POU2F1: variants seen among roughly 807,000 people sequenced by gnomAD.
POU2F1 encodes POU class 2 homeobox 1.
A neutral mutation model predicts 84.9 loss-of-function variants in POU2F1; 16 were observed. That is an observed-to-expected ratio of 0.19 (90% CI 0.13 to 0.29). The LOEUF (loss-of-function observed/expected upper bound fraction) is 0.29, where lower values mean the gene tolerates loss of function less well. Ranked by LOEUF, POU2F1 falls within the 10% of genes least tolerant of loss-of-function variation. The probability of loss-of-function intolerance (pLI) is 1.00; values close to 1 mark genes in which losing one functional copy is unlikely to be tolerated. For missense variants in POU2F1, 738 were observed against 942.6 expected (o/e 0.78, Z 2.84); for synonymous variants, 368 against 368.3 (o/e 1.00, Z 0.01).
In POU2F1 at chr1:167,337,168, G is replaced by GA. The variant is rs71301013; in HGVS notation, c.127+4645dup. Among the ~76,000 whole-genome samples the GA allele has an allele frequency of 3.4e-5, 5 of 145,636 alleles. No individual in the cohort carries two copies. In the East Asian group the frequency reaches 6.1e-4, roughly 18 times the overall value. On this transcript the variant is annotated intron_variant, in intron 2 of 15. Coordinates refer to ENST00000367866, the MANE Select transcript of POU2F1 (RefSeq NM_002697.4). ...ACAAGAGCGAAACTCCATCTCAAAA[G>GA]AAAAAAAAAAAAGCTAGGTGTAGTG...
intron 1 of POU2F1, among the ~76,000 whole-genome samples, chr1:167,236,708 G>T (rs1649483376): frequency 6.6e-6 from 1 of 152,160 alleles, no homozygotes; most frequent in Non-Finnish European, 1.5e-5. Flanking sequence ...ACTATTAGCT[G>T]TTCATTTATA....
chr1:167,412,328 C>T (rs558387410), intron 14 of POU2F1, 24 bp downstream of exon 14: 13 of 1,505,440 alleles, frequency 8.6e-6, no homozygotes, highest in Non-Finnish European at 1.2e-5. Flanking sequence ...TCATCTCATT[C>T]ACGTCTGAGG....
chr1:167,266,727 G>A (rs868469055), intron 1 of POU2F1, among the ~76,000 whole-genome samples: 3 of 151,254 alleles, frequency 2.0e-5, no homozygotes, highest in South Asian at 2.1e-4. Flanking sequence ...GGGTTCAAGC[G>A]GTTCTTCTGC....
chr1:167,238,465 C>T (rs1376177721), intron 1 of POU2F1, among the ~76,000 whole-genome samples: 1 of 152,034 alleles, frequency 6.6e-6, no homozygotes, highest in Admixed American at 6.5e-5. Context: ...CTTCAGAGGC[C>T]TTATAAACAG....
intron 2 of POU2F1, among the ~76,000 whole-genome samples, chr1:167,354,602 T>A (rs1274934951): frequency 6.6e-6 from 1 of 152,204 alleles, no homozygotes; most frequent in African/African-American, 2.4e-5. Flanking sequence ...CTTAATAGTG[T>A]TATTGCTGAA....
At chr1:167,317,012 C>A (rs1655953691) in intron 1 of POU2F1, among the ~76,000 whole-genome samples, 1 of 152,170 alleles carries the variant, frequency 6.6e-6, no homozygotes, top group Non-Finnish European at 1.5e-5. Flanking sequence ...GTGCCTCAGC[C>A]TCCTCAGTAG....
chr1:167,413,777 T>C (rs1481254144), intron 15 of POU2F1, among the ~76,000 whole-genome samples: 3 of 152,206 alleles, frequency 2.0e-5, no homozygotes, highest in African/African-American at 7.2e-5. Context: ...CTAAGCTTTC[T>C]GTCTAAAAAT....
chr1:167,232,966 A>G (rs1649175335), intron 1 of POU2F1, among the ~76,000 whole-genome samples: 1 of 152,096 alleles, frequency 6.6e-6, no homozygotes. Context: ...AGTGTACAGT[A>G]ATGCTGTAGG....
chr1:167,352,542 C>A (rs556525278), intron 2 of POU2F1, among the ~76,000 whole-genome samples: 2 of 152,274 alleles, frequency 1.3e-5, no homozygotes, highest in East Asian at 1.9e-4. Flanking sequence ...GGGTGCTAGA[C>A]AAATCGGTGG....
chr1:167,258,755 T>G (rs1651335077), intron 1 of POU2F1, among the ~76,000 whole-genome samples: 1 of 152,142 alleles, frequency 6.6e-6, no homozygotes, highest in Non-Finnish European at 1.5e-5. Context: ...TTCAGAAAAT[T>G]CAAAATATAA....
intron 1 of POU2F1, among the ~76,000 whole-genome samples, chr1:167,279,984 T>A (rs1335757660): frequency 6.6e-6 from 1 of 152,096 alleles, no homozygotes; most frequent in Non-Finnish European, 1.5e-5. Context: ...GGTGGGCAGA[T>A]CACCTGAGGT....
intron 1 of POU2F1, 106 bp downstream of exon 1, chr1:167,221,064 T>G: frequency 1.9e-6 from 2 of 1,045,520 alleles, no homozygotes; most frequent in East Asian, 5.5e-5. Context: ...ATTATTATAA[T>G]TAACGGCGGG....
chr1:167,242,335 G>C (rs1045531809), intron 1 of POU2F1, among the ~76,000 whole-genome samples: 1 of 152,324 alleles, frequency 6.6e-6, no homozygotes, highest in Middle Eastern at 3.4e-3. Flanking sequence ...AGAGAACCAA[G>C]AAGAAGTGTA....
At position 167,226,733 on chromosome 1, in the gene POU2F1, T is replaced by TG. The variant is rs1212723119; in HGVS notation, c.61+5779dup. Among the ~76,000 whole-genome samples, 3 of 152,296 alleles carry TG rather than the reference T, an allele frequency of 2.0e-5. No individual in the cohort carries two copies. In the East Asian group the frequency reaches 5.8e-4, roughly 29 times the overall value. ...TATGGGGTTCTGTGTGTTTTTACTA[T>TG]GGGGTGTGAATTTTTTGAGCATTGG... is the stretch of plus-strand genomic sequence containing the variant. On this transcript the variant is annotated intron_variant, in intron 1 of 15. Coordinates refer to ENST00000367866, the MANE Select transcript of POU2F1 (RefSeq NM_002697.4).
rs145678960 is a variant in POU2F1 at position 167,349,968 on chromosome 1, C to T, written c.128-15499C>T. On this transcript the variant is annotated intron_variant, in intron 2 of 15. Transcript: ENST00000367866. ...TTCTACTGAACTGTAAACATGAACACATCAGTTGGCTAAGATTTAAGAAAA... is the reference window on the plus strand; with the variant it reads ...TTCTACTGAACTGTAAACATGAACATATCAGTTGGCTAAGATTTAAGAAAA... Among the ~76,000 whole-genome samples, 580 of 152,248 alleles carry T rather than the reference C, an allele frequency of 3.8e-3. 3 individuals are homozygous for T. The highest frequency in any genetic ancestry group is 0.013 in the African/African-American group (558 of 41,540).
chr1:167,243,001 C>T (rs1365030445), intron 1 of POU2F1, among the ~76,000 whole-genome samples: 1 of 151,492 alleles, frequency 6.6e-6, no homozygotes, highest in Non-Finnish European at 1.5e-5. Flanking sequence ...AAAATGAATT[C>T]TACCTTTATT....
chr1:167,282,938 G>A (rs557060321), intron 1 of POU2F1, among the ~76,000 whole-genome samples: 2 of 152,254 alleles, frequency 1.3e-5, no homozygotes, highest in African/African-American at 4.8e-5. Flanking sequence ...ATGTAAAATG[G>A]GAGTTACAAA....
chr1:167,258,881 T>C (rs1370589465), intron 1 of POU2F1, among the ~76,000 whole-genome samples: 1 of 152,362 alleles, frequency 6.6e-6, no homozygotes, highest in Admixed American at 6.5e-5. Flanking sequence ...GTTTAGTGTT[T>C]CTTATCAAAA....
intron 1 of POU2F1, among the ~76,000 whole-genome samples, chr1:167,239,082 T>C (rs1008013677): frequency 5.9e-5 from 9 of 152,200 alleles, no homozygotes; most frequent in African/African-American, 1.9e-4. Flanking sequence ...ACAAACTTTT[T>C]TTCCCCCCCA....
Sources: gnomAD v4.1 joint callset for allele counts (sites outside exome capture counted in the v4.1 genomes callset) on GRCh38, gnomAD v4.1.1 for gene constraint, MANE v1.5 for transcripts, NCBI Gene and HGNC (gene_info 2026-07-23, HGNC 2026-07-21) for gene names.